The following MACROD2 variants were observed in gnomAD, a reference collection of about 807,000 sequenced individuals.
The protein encoded by MACROD2 is ADP-ribose glycohydrolase MACROD2.
A neutral mutation model predicts 70.4 loss-of-function variants in MACROD2; 36 were observed. The observed-to-expected ratio is 0.51, with a 90% CI of 0.39 to 0.68. The LOEUF is 0.68. MACROD2 is among the 30% of genes least tolerant of loss of function. The pLI, the probability that MACROD2 is intolerant of heterozygous loss-of-function variation, is 0.00. For missense variants in MACROD2, 496 were observed against 538.4 expected (o/e 0.92, Z 0.78); for synonymous variants, 172 against 178.8 (o/e 0.96, Z 0.30).
chr20:14,733,573 A>C (rs970695136), intron 5 of MACROD2, among the ~76,000 whole-genome samples: 7 of 152,208 alleles, frequency 4.6e-5, no homozygotes, highest in Non-Finnish European at 1.0e-4. Context: ...CATAGCATAG[A>C]GTGTAGAAAA....
chr20:14,454,702 G>C (rs985310243), intron 3 of MACROD2, among the ~76,000 whole-genome samples: 1 of 148,370 alleles, frequency 6.7e-6, no homozygotes, highest in African/African-American at 2.5e-5. Flanking sequence ...TAAGTGATTT[G>C]TCCCTGCTAC....
At chr20:15,725,669 A>G (rs1251222997) in intron 8 of MACROD2, among the ~76,000 whole-genome samples, 1 of 152,106 alleles carries the variant, frequency 6.6e-6, no homozygotes, top group African/African-American at 2.4e-5. Flanking sequence ...AATTCTAGGT[A>G]AAGCTTCTAG....
chr20:14,195,020 A>G (rs1201432024), intron 3 of MACROD2, among the ~76,000 whole-genome samples: 2 of 152,194 alleles, frequency 1.3e-5, no homozygotes, highest in Non-Finnish European at 1.5e-5. Context: ...AGAGACTCAG[A>G]AGATCCTTTT....
chr20:15,143,331 A>G (rs6079681), intron 5 of MACROD2, among the ~76,000 whole-genome samples: 89,328 of 151,732 alleles, frequency 0.59, 26,400 homozygotes, highest in East Asian at 0.65. Context: ...GTCTGTTCAT[A>G]TCCTTTGCCC....
At chr20:14,175,385 G>A (rs2148727066) in intron 3 of MACROD2, among the ~76,000 whole-genome samples, 1 of 152,172 alleles carries the variant, frequency 6.6e-6, no homozygotes, top group Non-Finnish European at 1.5e-5. Context: ...AATGAAGTGT[G>A]GAGGGAGGGA....
At chr20:14,079,498 C>G (rs2148665500) in intron 2 of MACROD2, among the ~76,000 whole-genome samples, 1 of 152,244 alleles carries the variant, frequency 6.6e-6, no homozygotes, top group South Asian at 2.1e-4. Context: ...CTCATGCTTT[C>G]TATAACTCAT....
At chr20:15,416,772 G>T (rs2046157508) in intron 6 of MACROD2, among the ~76,000 whole-genome samples, 1 of 151,998 alleles carries the variant, frequency 6.6e-6, no homozygotes, top group Admixed American at 6.5e-5. Flanking sequence ...GGCGGTGGGG[G>T]GGCGCCGGTA....
chr20:14,009,754 T>A (rs530119004), intron 2 of MACROD2, among the ~76,000 whole-genome samples: 1 of 152,194 alleles, frequency 6.6e-6, no homozygotes, highest in South Asian at 2.1e-4. Context: ...ATAAAGAAAA[T>A]GTGGTACATA....
intron 4 of MACROD2, among the ~76,000 whole-genome samples, chr20:14,661,927 A>T (rs1285659437): frequency 1.3e-5 from 2 of 152,102 alleles, no homozygotes; most frequent in Admixed American, 6.6e-5. Context: ...GCAGCAAAGA[A>T]GTTTACAAAT....
chr20:15,214,002 C>T (rs1384252814), intron 5 of MACROD2, among the ~76,000 whole-genome samples: 4 of 152,060 alleles, frequency 2.6e-5, no homozygotes, highest in African/African-American at 7.2e-5. Flanking sequence ...GCCTTGTCCT[C>T]CCAAAGTTCC....
At chr20:15,413,867 T>G (rs1381029375) in intron 6 of MACROD2, among the ~76,000 whole-genome samples, 3 of 152,184 alleles carry the variant, frequency 2.0e-5, no homozygotes, top group Non-Finnish European at 4.4e-5. Flanking sequence ...AAACGATACC[T>G]TAGCTTTTGT....
chr20:15,732,773 T>TTTTC (rs3071373), intron 8 of MACROD2, among the ~76,000 whole-genome samples: 1 of 151,720 alleles, frequency 6.6e-6, no homozygotes, highest in Non-Finnish European at 1.5e-5. Context: ...CTTTTTTTTT[T>TTTTC]CTGGGTTTGA....
intron 8 of MACROD2, among the ~76,000 whole-genome samples, chr20:15,685,044 T>C (rs896022010): frequency 1.3e-5 from 2 of 152,140 alleles, no homozygotes; most frequent in African/African-American, 4.8e-5. Flanking sequence ...TAAATCATAA[T>C]AAGTAACATT....
chr20:14,251,681 G>T (rs2082013785), intron 3 of MACROD2, among the ~76,000 whole-genome samples: 1 of 152,054 alleles, frequency 6.6e-6, no homozygotes, highest in Admixed American at 6.6e-5. Context: ...AATTATTTAA[G>T]CAAGTGGAAA....
chr20:15,876,271 C>T (rs1293843310), intron 9 of MACROD2, among the ~76,000 whole-genome samples: 1 of 151,868 alleles, frequency 6.6e-6, no homozygotes, highest in African/African-American at 2.4e-5. Flanking sequence ...CCCTGCCTCC[C>T]ACCCAATAGC....
At chr20:15,703,542 A>G (rs921226429) in intron 8 of MACROD2, among the ~76,000 whole-genome samples, 1 of 152,244 alleles carries the variant, frequency 6.6e-6, no homozygotes, top group Non-Finnish European at 1.5e-5. Context: ...ATTATTTGCT[A>G]CTAATATGAG....
intron 4 of MACROD2, among the ~76,000 whole-genome samples, chr20:14,598,886 A>T (rs946925142): frequency 3.3e-5 from 5 of 152,180 alleles, no homozygotes; most frequent in Admixed American, 6.5e-5. Context: ...CATCAGTTTG[A>T]TAGAAGAGTT....
At chr20:14,915,915 G>A (rs891722299) in intron 5 of MACROD2, among the ~76,000 whole-genome samples, 5 of 152,066 alleles carry the variant, frequency 3.3e-5, no homozygotes, top group African/African-American at 1.2e-4. Context: ...TAAGTCTGCA[G>A]ACCTATGGTA....
At chr20:15,029,825 T>A (rs1013797424) in intron 5 of MACROD2, among the ~76,000 whole-genome samples, 1 of 152,082 alleles carries the variant, frequency 6.6e-6, no homozygotes, top group African/African-American at 2.4e-5. Flanking sequence ...AAATGCTTAT[T>A]GAGTGATTAC....
Sources: allele counts gnomAD v4.1 joint callset (sites outside exome capture counted in the v4.1 genomes callset), GRCh38; gene constraint gnomAD v4.1.1; transcripts MANE v1.5; gene names NCBI Gene and HGNC (gene_info 2026-07-23, HGNC 2026-07-21).